The following UPF2 variants were observed in gnomAD, a reference collection of about 807,000 sequenced individuals.
UPF2 encodes regulator of nonsense transcripts 2.
UPF2 carries 17 observed loss-of-function variants against 141.4 expected under a neutral mutation model. The observed-to-expected ratio is 0.12, with a 90% CI of 0.08 to 0.18. The LOEUF (loss-of-function observed/expected upper bound fraction) is 0.18, where lower values mean the gene tolerates loss of function less well. UPF2 is among the 10% of genes least tolerant of loss of function. UPF2 has a pLI of 1.00. For missense variants in UPF2, 1,152 were observed against 1,515.9 expected (o/e 0.76, Z 3.99); for synonymous variants, 540 against 498.0 (o/e 1.08, Z -1.12).
intron 3 of UPF2, among the ~76,000 whole-genome samples, chr10:12,022,095 G>C (rs775394465): frequency 6.6e-6 from 1 of 151,184 alleles, no homozygotes; most frequent in Non-Finnish European, 1.5e-5. Flanking sequence ...AGCCAGGATC[G>C]CGCCACTGCA....
intron 9 of UPF2, 138 bp from the exon 10 acceptor site, chr10:11,967,592 C>T: frequency 1.9e-6 from 1 of 536,032 alleles, no homozygotes; most frequent in Non-Finnish European, 3.1e-6. Context: ...GCTTGTTACC[C>T]AGGCTGGAGT....
At chr10:11,926,128 T>G (rs900596689) in intron 21 of UPF2, among the ~76,000 whole-genome samples, 1 of 151,604 alleles carries the variant, frequency 6.6e-6, no homozygotes, top group African/African-American at 2.4e-5. Context: ...AAGGCAAGAG[T>G]GAGGGCCATT....
At chr10:11,926,456 G>A (rs188521143) in intron 21 of UPF2, among the ~76,000 whole-genome samples, 3 of 152,204 alleles carry the variant, frequency 2.0e-5, no homozygotes, top group Non-Finnish European at 4.4e-5. Context: ...TGAGCCCAAG[G>A]AACACAGACA....
chr10:11,933,805 G>A (rs1048074039), intron 19 of UPF2, among the ~76,000 whole-genome samples: 2 of 152,182 alleles, frequency 1.3e-5, no homozygotes, highest in Non-Finnish European at 2.9e-5. Flanking sequence ...CTTCATGAAA[G>A]GGAGGAAGGA....
chr10:12,036,610 G>A (rs956207297), intron 1 of UPF2, among the ~76,000 whole-genome samples: 2 of 152,110 alleles, frequency 1.3e-5, no homozygotes, highest in Admixed American at 6.6e-5. Context: ...TACTTTGCAG[G>A]AAAATTCTGA....
At chr10:12,035,503 T>C (rs1834609521) in intron 1 of UPF2, 62 bp from the exon 2 acceptor site, 3 of 1,452,080 alleles carry the variant, frequency 2.1e-6, no homozygotes, top group Non-Finnish European at 1.8e-6. Context: ...GATATCACAC[T>C]ATTTTTTTAA....
At chr10:12,037,972 T>C (rs1490152094) in intron 1 of UPF2, among the ~76,000 whole-genome samples, 1 of 152,166 alleles carries the variant, frequency 6.6e-6, no homozygotes, top group Non-Finnish European at 1.5e-5. Context: ...ACTCCCTCAT[T>C]GCTCTCCACT....
At chr10:12,021,419 G>A (rs1834315944) in intron 3 of UPF2, among the ~76,000 whole-genome samples, 1 of 151,828 alleles carries the variant, frequency 6.6e-6, no homozygotes. Flanking sequence ...CATACCTGTG[G>A]TCTCAGCGAC....
At chr10:11,929,759 G>A in intron 21 of UPF2, 106 bp downstream of exon 21, 1 of 1,455,854 alleles carries the variant, frequency 6.9e-7, no homozygotes, top group South Asian at 1.4e-5. Context: ...TTTCTATTTT[G>A]CTAAAAATCG....
At chr10:11,990,902 G>C (rs1833768197) in intron 8 of UPF2, among the ~76,000 whole-genome samples, 1 of 145,408 alleles carries the variant, frequency 6.9e-6, no homozygotes, top group African/African-American at 2.5e-5. Context: ...GCAGGAGAAT[G>C]GTGTGAACCC....
chr10:12,005,141 A>C (rs745917097), intron 4 of UPF2, among the ~76,000 whole-genome samples: 1 of 149,904 alleles, frequency 6.7e-6, no homozygotes, highest in Admixed American at 6.6e-5. Flanking sequence ...ATAATCCTCT[A>C]TACTATTTAC....
At chr10:12,001,259 CAA>C (rs372083578) in intron 6 of UPF2, among the ~76,000 whole-genome samples, 10 of 151,872 alleles carry the variant, frequency 6.6e-5, no homozygotes, top group Non-Finnish European at 1.5e-4. Context: ...ACTAAAAATA[CAA>C]AAATTAGCTG....
rs1474730013 is a variant in UPF2, at chr10:11,936,418, A to G, written c.3546+127T>C. The G allele has an allele frequency of 1.0e-6, 1 of 989,658 alleles. No individual in the cohort carries two copies. Among genetic ancestry groups the G allele is most frequent in the South Asian group, 3.4e-5 (1 of 29,508 alleles). The allele number at this position is 989,658 out of a possible 1,614,324, so 61.3% of individuals were successfully genotyped here. ...AAAACAAAAAAAACTATATAAGGGAAGAAATTATTCTACCACTGAATGGTT... is the reference window on the plus strand; with the variant it reads ...AAAACAAAAAAAACTATATAAGGGAGGAAATTATTCTACCACTGAATGGTT... On this transcript the variant is annotated intron_variant, in intron 19 of 21. Transcript: ENST00000357604. The surrounding 1 kb of genome is among the most constrained non-coding windows in gnomAD (Gnocchi z 6.6).
At chr10:11,993,583 G>A (rs1833817763) in intron 8 of UPF2, among the ~76,000 whole-genome samples, 1 of 150,910 alleles carries the variant, frequency 6.6e-6, no homozygotes, top group Admixed American at 6.6e-5. Context: ...ATAAATTATT[G>A]ACAAAGCCAC....
chr10:11,942,363 ACT>A (rs1056271131), intron 18 of UPF2, among the ~76,000 whole-genome samples: 2 of 151,858 alleles, frequency 1.3e-5, no homozygotes, highest in Non-Finnish European at 2.9e-5. Context: ...ACAGAGTGAG[ACT>A]CTGTCTCAAG....
chr10:11,928,484 C>T (rs374582003), intron 21 of UPF2, among the ~76,000 whole-genome samples: 2 of 151,552 alleles, frequency 1.3e-5, no homozygotes, highest in African/African-American at 2.4e-5. Flanking sequence ...CCGAGGCGGG[C>T]GGATCACGAG....
intron 9 of UPF2, among the ~76,000 whole-genome samples, chr10:11,969,447 GGT>G (rs1043457859): frequency 2.0e-5 from 3 of 152,110 alleles, no homozygotes; most frequent in African/African-American, 7.2e-5. Flanking sequence ...GGGATTATAA[GGT>G]GTGAGACACT....
intron 9 of UPF2, among the ~76,000 whole-genome samples, chr10:11,969,598 T>C (rs946542518): frequency 2.6e-5 from 4 of 152,218 alleles, no homozygotes; most frequent in Non-Finnish European, 5.9e-5. Context: ...TGCTTATTAT[T>C]AGCCTTGTAA....
At chr10:12,004,810 T>C in intron 4 of UPF2, 83 bp from the exon 5 acceptor site, 3 of 1,366,530 alleles carry the variant, frequency 2.2e-6, no homozygotes, top group Non-Finnish European at 3.0e-6. Flanking sequence ...TTTTCAGTTT[T>C]ACATCTATTG....
Sources: allele counts gnomAD v4.1 joint callset (sites outside exome capture counted in the v4.1 genomes callset), GRCh38; gene constraint gnomAD v4.1.1; non-coding constraint Gnocchi (gnomAD v3.1); transcripts MANE v1.5; gene names NCBI Gene and HGNC (gene_info 2026-07-23, HGNC 2026-07-21).